TRIM3: variants seen among roughly 807,000 people sequenced by gnomAD.
TRIM3 encodes tripartite motif-containing protein 3.
In TRIM3, 13 loss-of-function variants were observed where a neutral mutation model predicts 66.6. The observed-to-expected ratio is 0.20, with a 90% CI of 0.13 to 0.31. The LOEUF (loss-of-function observed/expected upper bound fraction) is 0.31, where lower values mean the gene tolerates loss of function less well. Ranked by LOEUF, TRIM3 falls within the 10% of genes least tolerant of loss-of-function variation. The probability of loss-of-function intolerance (pLI) is 1.00; values close to 1 mark genes in which losing one functional copy is unlikely to be tolerated. For synonymous variants in TRIM3, 406 were observed against 411.7 expected (o/e 0.99, Z 0.17); for missense variants, 711 against 1,020.4 (o/e 0.70, Z 4.13).
At chr11:6,464,214 C>A (rs557789973) in intron 2 of TRIM3, among the ~76,000 whole-genome samples, 1 of 152,342 alleles carries the variant, frequency 6.6e-6, no homozygotes, top group South Asian at 2.1e-4. Context: ...TGGCCTCCAC[C>A]TACCTCTCCA....
intron 7 of TRIM3, among the ~76,000 whole-genome samples, chr11:6,454,855 C>T (rs559145813): frequency 6.6e-6 from 1 of 152,228 alleles, no homozygotes; most frequent in African/African-American, 2.4e-5. Context: ...CATGAGTACT[C>T]AAGCAGGGTC....
Position 6,448,618 on chromosome 11 carries a change from G to A in TRIM3, c.*410C>T. ...ACAAGAACCCAGCAAAAACATCTTG[G>A]TGAAGACATTTATTTAATATGGGGG... On this transcript the variant is annotated 3_prime_UTR_variant, in exon 12 of 12. Coordinates refer to ENST00000345851, the MANE Select transcript of TRIM3 (RefSeq NM_033278.4). 2.8e-6 allele frequency: 1 copy of A among 359,496 alleles called. No homozygotes were observed. 22.3% of individuals were successfully genotyped at this position (359,496 alleles called of 1,614,324 possible).
chr11:6,448,976 C>G lies in TRIM3; in HGVS notation c.*52G>C. The G allele has an allele frequency of 6.2e-7, 1 of 1,602,644 alleles. No individual in the cohort carries two copies. Among genetic ancestry groups the G allele is most frequent in the South Asian group, 1.1e-5 (1 of 90,642 alleles). On this transcript the variant is annotated 3_prime_UTR_variant, in exon 12 of 12. Coordinates refer to ENST00000345851, the MANE Select transcript of TRIM3 (RefSeq NM_033278.4). The stretch of plus-strand genomic sequence containing the variant: ...CCACCTCCCAGCCAGACCCTCTTGT[C>G]CAATCACCCCAATGTCTGTCCCTCC...
At chr11:6,464,706 A>C (rs572979041) in intron 2 of TRIM3, among the ~76,000 whole-genome samples, 1 of 152,270 alleles carries the variant, frequency 6.6e-6, no homozygotes, top group African/African-American at 2.4e-5. Flanking sequence ...TTTTAAAAAG[A>C]GTAAGCACGG....
At position 6,448,711 on chromosome 11, in the gene TRIM3, TG is replaced by T; in HGVS notation, c.*316del. ...GAGACAACTAGAGGGACTCCTGTCC[TG>T]GGGTAGGCTGTTCTGGCCCCAGGCT... On this transcript the variant is annotated 3_prime_UTR_variant, in exon 12 of 12. Transcript: ENST00000345851. 1 of 604,530 alleles carries T rather than the reference TG, an allele frequency of 1.7e-6. No homozygotes were observed. The highest frequency in any genetic ancestry group is 2.9e-6 in the Non-Finnish European group (1 of 339,574). 37.4% of individuals were successfully genotyped at this position (604,530 alleles called of 1,614,324 possible). A position where few individuals can be genotyped will look rare whatever the true frequency, so the allele number is the denominator to read the frequency against.
In TRIM3 at chr11:6,471,489, T is replaced by A. The variant is rs562442430; in HGVS notation, c.-38+2302A>T. Among the ~76,000 whole-genome samples the A allele has an allele frequency of 2.6e-5, 4 of 152,290 alleles. No homozygotes were observed. The East Asian group carries it at 7.7e-4, about 29-fold the overall frequency. On this transcript the variant is annotated intron_variant, in intron 1 of 11. Transcript: ENST00000345851. Reference sequence around the variant, plus strand: ...AGGAAAGCAATGAAATTCATGGCCATCTCCCCCAACATTGCCAGACTGAGT... The same window carrying A: ...AGGAAAGCAATGAAATTCATGGCCAACTCCCCCAACATTGCCAGACTGAGT...
chr11:6,457,468 T>G lies in TRIM3; in HGVS notation c.524A>C (p.Gln175Pro). The change falls in exon 5 of 12, where the codon CAG (glutamine) becomes CCG (proline). Residue 175 changes from glutamine (Q) to proline (P), a missense_variant. Around this residue, in one of 3 missense-constraint regions of TRIM3, gnomAD observed 149 missense variants for 240.3 expected, o/e 0.62. Transcript: ENST00000345851. The surrounding 1 kb of genome is among the most constrained non-coding windows in gnomAD (Gnocchi z 4.5). ...QLEAVRGRLP[Q>P]LSAAIALVGG... ...GACTAAGGCAATTGCTGCGGACAGCTGTGGCAATCTGGAGGGGGAATATCT... is the reference window on the plus strand; with the variant it reads ...GACTAAGGCAATTGCTGCGGACAGCGGTGGCAATCTGGAGGGGGAATATCT... 6.2e-7 allele frequency: 1 copy of G among 1,612,412 alleles called. No homozygotes were observed. The highest frequency in any genetic ancestry group is 1.3e-5 in the African/African-American group (1 of 75,004).
At chr11:6,459,882 T>A (rs372204401) in intron 2 of TRIM3, among the ~76,000 whole-genome samples, 1 of 152,214 alleles carries the variant, frequency 6.6e-6, no homozygotes, top group Non-Finnish European at 1.5e-5. Context: ...CTTGTCCTGG[T>A]TGAATTTACT....
intron 2 of TRIM3, among the ~76,000 whole-genome samples, chr11:6,465,114 A>G (rs1281353054): frequency 2.0e-5 from 3 of 152,114 alleles, no homozygotes; most frequent in Admixed American, 6.6e-5. Flanking sequence ...TGTTAAATGA[A>G]TAAGTGATCC....
Position 6,457,427 on chromosome 11 carries a change from G to C in TRIM3, c.565C>G (p.Gln189Glu). The C allele has an allele frequency of 3.7e-6, 6 of 1,613,484 alleles. No individual in the cohort carries two copies. Among genetic ancestry groups the C allele is most frequent in the Non-Finnish European group, 5.1e-6 (6 of 1,180,040 alleles). The change falls in exon 5 of 12, where the codon CAG becomes GAG. Residue 189 changes from glutamine to glutamate, a missense_variant. Coordinates refer to ENST00000345851, the MANE Select transcript of TRIM3 (RefSeq NM_033278.4). The surrounding 1 kb of genome is among the most constrained non-coding windows in gnomAD (Gnocchi z 4.5). ...GCCTCTGCCTTGCGCTCCTGCAGCT[G>C]CTGGCTGATGCCCCCGACTAAGGCA... ...AIALVGGISQ[Q>E]LQERKAEALA...
chr11:6,470,134 A>G (rs1025369188), intron 1 of TRIM3, among the ~76,000 whole-genome samples: 1 of 152,236 alleles, frequency 6.6e-6, no homozygotes, highest in Non-Finnish European at 1.5e-5. Context: ...AGAGTGACAA[A>G]AGTACATTTT....
Position 6,458,005 on chromosome 11 carries a change from A to C in TRIM3, c.363+60T>G. ...TCACCCAGCCACTCGGCACCCCCCA[A>C]TGCCTCTCCTCCTCCTCCCACCCCA... is the stretch of plus-strand genomic sequence containing the variant. On this transcript the variant is annotated intron_variant, in intron 3 of 11. Transcript: ENST00000345851. This position sits in a 1 kb window ranked among gnomAD's most constrained non-coding sequence, Gnocchi z 6.2. 6.5e-7 allele frequency: 1 copy of C among 1,546,052 alleles called. No homozygotes were observed. The highest frequency in any genetic ancestry group is 8.8e-7 in the Non-Finnish European group (1 of 1,141,468).
In TRIM3 at chr11:6,449,606, C is replaced by T; in HGVS notation, c.1942-160G>A. The T allele has an allele frequency of 3.4e-6, 2 of 585,376 alleles. No homozygotes were observed. Among genetic ancestry groups the T allele is most frequent in the Non-Finnish European group, 5.9e-6 (2 of 340,140 alleles). 36.3% of individuals were successfully genotyped at this position (585,376 alleles called of 1,614,324 possible). A position where few individuals can be genotyped will look rare whatever the true frequency, so the allele number is the denominator to read the frequency against. On this transcript the variant is annotated intron_variant, in intron 10 of 11. Transcript: ENST00000345851. This position sits in a 1 kb window ranked among gnomAD's most constrained non-coding sequence, Gnocchi z 5.3. ...GGCTTCACATCCATGTGCCCTACTG[C>T]CTAGTAGACATCTCTTGCTGATGTC...
At chr11:6,466,923 T>C (rs1850496767) in intron 1 of TRIM3, among the ~76,000 whole-genome samples, 1 of 152,208 alleles carries the variant, frequency 6.6e-6, no homozygotes, top group African/African-American at 2.4e-5. Context: ...ATAGGCATTT[T>C]ATTTATTTAT....
In TRIM3 at chr11:6,456,624, C is replaced by T. The variant is rs754875188; in HGVS notation, c.1102G>A (p.Gly368Ser). 3.1e-6 allele frequency: 5 copies of T among 1,612,658 alleles called. No homozygotes were observed. Among genetic ancestry groups the T allele is most frequent in the Non-Finnish European group, 3.4e-6 (4 of 1,179,848 alleles). ...GSAELRAEIT[G>S]PDGTRLPVPV... is the part of the protein sequence containing the mutation. ...ACCGGAAGGCGCGTGCCGTCCGGGC[C>T]GGTGATCTCTGCACGCAGCTCAGCG... Residue 368 changes from glycine to serine, a missense_variant, in exon 6 of 12, where the codon GGC becomes AGC. Physicochemically the swap from Gly to Ser is moderately conservative, Grantham distance 56 (BLOSUM62 0). This residue lies in a region of TRIM3 where 399 missense variants were observed against 458.1 expected (regional missense o/e 0.87). Coordinates refer to ENST00000345851, the MANE Select transcript of TRIM3 (RefSeq NM_033278.4). This position sits in a 1 kb window ranked among gnomAD's most constrained non-coding sequence, Gnocchi z 6.4.
rs56046525 is a variant in TRIM3 at position 6,457,680 on chromosome 11, C to G, written c.515+16G>C. Reference sequence around the variant, plus strand: ...CCCTGTGGCCCCACCAGCCCAGGACCCTGCCCAGTGCCTACCGGCCACGCA... The same window carrying G: ...CCCTGTGGCCCCACCAGCCCAGGACGCTGCCCAGTGCCTACCGGCCACGCA... On this transcript the variant is annotated intron_variant, in intron 4 of 11. Coordinates refer to ENST00000345851, the MANE Select transcript of TRIM3 (RefSeq NM_033278.4). The surrounding 1 kb of genome is among the most constrained non-coding windows in gnomAD (Gnocchi z 4.5). 8.6e-4 allele frequency: 1,375 copies of G among 1,607,806 alleles called. 13 individuals carry two copies. The African/African-American group carries it at 0.016, about 19-fold the overall frequency.
At chr11:6,463,279 A>C (rs1850320403) in intron 2 of TRIM3, among the ~76,000 whole-genome samples, 1 of 152,228 alleles carries the variant, frequency 6.6e-6, no homozygotes, top group African/African-American at 2.4e-5. Flanking sequence ...AATTAAAATA[A>C]AAAAATAAAA....
In TRIM3 at chr11:6,455,840, G is replaced by C. The variant is rs1849940470; in HGVS notation, c.1533+232C>G. Among the ~76,000 whole-genome samples the C allele has an allele frequency of 3.3e-5, 5 of 152,198 alleles. No individual in the cohort carries two copies. The South Asian group carries it at 6.2e-4, about 19-fold the overall frequency. The stretch of plus-strand genomic sequence containing the variant: ...ATGGCCTACAAAGTAGAGGCTACAA[G>C]CATAGTAAACTCTGGTTTCTGACTG... On this transcript the variant is annotated intron_variant, in intron 7 of 11. Transcript: ENST00000345851.
In TRIM3 at chr11:6,449,314, G is replaced by A. The variant is rs868702570; in HGVS notation, c.2074C>T (p.Arg692Cys). 1.2e-6 allele frequency: 2 copies of A among 1,613,774 alleles called. No homozygotes were observed. Among genetic ancestry groups the A allele is most frequent in the African/African-American group, 1.3e-5 (1 of 74,908 alleles). The change falls in exon 11 of 12, where the codon CGC (arginine) becomes TGC (cysteine). Residue 692 changes from arginine to cysteine, a missense_variant. Physicochemically the swap from Arg to Cys is radical, Grantham distance 180. Coordinates refer to ENST00000345851, the MANE Select transcript of TRIM3 (RefSeq NM_033278.4). The surrounding 1 kb of genome is among the most constrained non-coding windows in gnomAD (Gnocchi z 5.3). ...NIIVADWGNS[R>C]IQVFDSSGSF... ...TCCCAGGCCTTACTCACCTGGATGC[G>A]GCTGTTGCCCCAGTCAGCCACAATG...
Sources: allele counts gnomAD v4.1 joint callset (sites outside exome capture counted in the v4.1 genomes callset), GRCh38; gene constraint gnomAD v4.1.1; regional missense constraint gnomAD v4.1.1; non-coding constraint Gnocchi (gnomAD v3.1); transcripts MANE v1.5; gene names NCBI Gene and HGNC (gene_info 2026-07-23, HGNC 2026-07-21).